The following CCDC74B variants were observed in gnomAD, a reference collection of about 807,000 sequenced individuals.
The protein encoded by CCDC74B is coiled-coil domain containing 74B.
In CCDC74B, 34 loss-of-function variants were observed where a neutral mutation model predicts 38.0. The observed-to-expected ratio is 0.89, with a 90% confidence interval of 0.68 to 1.19. CCDC74B has a LOEUF of 1.19. CCDC74B is among the 50% of genes most tolerant of loss of function. The probability of loss-of-function intolerance (pLI) is 0.00; values close to 1 mark genes in which losing one functional copy is unlikely to be tolerated. For synonymous variants in CCDC74B, 132 were observed against 170.4 expected, an observed-to-expected ratio of 0.77 and a Z score of 1.76; for missense variants, 358 against 406.0, an observed-to-expected ratio of 0.88 and a Z score of 1.02.
chr2:130,142,554 T>C (rs1573637168), intron 2 of CCDC74B: 1 of 1,551,128 alleles, frequency 6.4e-7, no homozygotes, highest in Non-Finnish European at 8.7e-7. Context: ...GGAAGGGCCC[T>C]CCCTCAACCC....
In CCDC74B at chr2:130,143,155, C is replaced by A. The variant is rs182520221; in HGVS notation, c.295+114G>T. On this transcript the variant is annotated intron_variant, in intron 2 of 7. Transcript: ENST00000409943. ...TCTGTCCAGGTCCCCCAGAACCTGTCCCCACTGGGTTGGCATACAGGGGCC... is the reference window on the plus strand; with the variant it reads ...TCTGTCCAGGTCCCCCAGAACCTGTACCCACTGGGTTGGCATACAGGGGCC... 7.6e-5 allele frequency: 118 copies of A among 1,543,088 alleles called. 1 individual carries two copies. Among genetic ancestry groups the A allele is most frequent in the Middle Eastern group, 5.2e-4 (3 of 5,716 alleles).
intron 1 of CCDC74B, chr2:130,144,328 A>G (rs972407905): frequency 1.4e-5 from 9 of 627,066 alleles, no homozygotes; most frequent in Non-Finnish European, 2.5e-5. Flanking sequence ...TTTAGTAGAG[A>G]CGGGGTTTCA....
intron 4 of CCDC74B, 182 bp from the exon 5 acceptor site, chr2:130,140,553 C>G: frequency 1.5e-6 from 1 of 655,866 alleles, no homozygotes; most frequent in Non-Finnish European, 2.5e-6. Context: ...CTGTCCCTTT[C>G]TCCCCTCTGA....
intron 3 of CCDC74B, chr2:130,141,805 G>A (rs1358463759): frequency 1.4e-5 from 7 of 491,878 alleles, no homozygotes; most frequent in East Asian, 3.8e-5. Context: ...GCGGGGACAC[G>A]GCCAAGCAGG....
chr2:130,142,817 C>T, intron 2 of CCDC74B: 1 of 1,549,956 alleles, frequency 6.5e-7, no homozygotes, highest in Non-Finnish European at 8.7e-7. Flanking sequence ...ATGGTTGCTG[C>T]CCAGATGGCA....
Position 130,144,985 on chromosome 2 carries a change from C to T in CCDC74B, c.12G>A (p.Ala4=), listed in dbSNP as rs1433034812. The T allele has an allele frequency of 6.9e-6, 10 of 1,457,366 alleles. No individual in the cohort carries two copies. The highest frequency in any genetic ancestry group is 2.8e-5 in the Admixed American group (1 of 35,440). The allele number at this position is 1,457,366 out of a possible 1,614,324, so 90.3% of individuals were successfully genotyped here. The part of the protein sequence containing the change: MSG[A]GVAAGTRPPS... The stretch of plus-strand genomic sequence containing the variant: ...GGGGCCGCGTCCCAGCCGCCACCCC[C>T]GCACCGCTCATATCGCCATCGCCAG... Residue 4 remains alanine (A), a synonymous_variant, in exon 1 of 8, where the codon GCG becomes GCA. Transcript: ENST00000409943.
chr2:130,139,696 G>A lies in CCDC74B; in HGVS notation c.810-6C>T, dbSNP rs1327204168. On this transcript the variant is annotated splice_polypyrimidine_tract_variant and splice_region_variant and intron_variant, in intron 7 of 7. Transcript: ENST00000409943. ...CAGGTGGGCTCAGAAGCAGGCTGGG[G>A]GCGGGTAGAGGGACTGTCACCGTGA... The A allele has an allele frequency of 1.9e-6, 3 of 1,612,672 alleles. No homozygotes were observed. Among genetic ancestry groups the A allele is most frequent in the Admixed American group, 1.7e-5 (1 of 59,988 alleles).
In CCDC74B at chr2:130,145,106, G is replaced by A; in HGVS notation, c.-110C>T. 2 of 1,395,886 alleles carry A rather than the reference G, an allele frequency of 1.4e-6. No individual in the cohort carries two copies. Among genetic ancestry groups the A allele is most frequent in the Non-Finnish European group, 1.9e-6 (2 of 1,076,182 alleles). 86.5% of individuals were successfully genotyped at this position (1,395,886 alleles called of 1,614,324 possible). A position where few individuals can be genotyped will look rare whatever the true frequency, so the allele number is the denominator to read the frequency against. On this transcript the variant is annotated 5_prime_UTR_variant, in exon 1 of 8. Transcript: ENST00000409943. ...GAAACCGGGCGACGGAGGGCGCCAGGCGTTTGGCGGGGGCGGGGCCTGTCG... is the reference window on the plus strand; with the variant it reads ...GAAACCGGGCGACGGAGGGCGCCAGACGTTTGGCGGGGGCGGGGCCTGTCG...
chr2:130,143,769 C>G (rs1436393811), intron 1 of CCDC74B, among the ~76,000 whole-genome samples: 3 of 152,144 alleles, frequency 2.0e-5, no homozygotes. Context: ...ATGGGATACT[C>G]GGCACTCAGG....
intron 2 of CCDC74B, chr2:130,142,775 G>A: frequency 6.5e-7 from 1 of 1,549,372 alleles, no homozygotes; most frequent in South Asian, 1.2e-5. Context: ...AAGTGGCAAG[G>A]AAACAGGACT....
chr2:130,139,623 T>A lies in CCDC74B; in HGVS notation c.877A>T (p.Asn293Tyr), dbSNP rs1685453708. The change falls in exon 8 of 8, where the codon AAC becomes TAC. Residue 293 changes from asparagine to tyrosine, a missense_variant. This residue lies in a region of CCDC74B where 213 missense variants were observed against 212.3 expected (regional missense o/e 1.00). Transcript: ENST00000409943. ...AGCCTCTTCTGCCTCTCGGCAAAGT[T>A]GTTCTTCGGGGTCTGCTTCAGTGCG... The part of the protein sequence containing the change: ...LPALKQTPKN[N>Y]FAERQKRLQA... 18 of 1,613,332 alleles carry A rather than the reference T, an allele frequency of 1.1e-5. No individual in the cohort carries two copies. The highest frequency in any genetic ancestry group is 1.3e-5 in the African/African-American group (1 of 74,946).
At chr2:130,143,907 G>C (rs1383407715) in intron 1 of CCDC74B, among the ~76,000 whole-genome samples, 1 of 149,978 alleles carries the variant, frequency 6.7e-6, no homozygotes, top group African/African-American at 2.5e-5. Context: ...CCTCCTGCTC[G>C]GGGCAGGAGG....
Position 130,140,296 on chromosome 2 carries a change from C to G in CCDC74B, c.561G>C (p.Gly187=), listed in dbSNP as rs1262371884. ...GNSQHQGRQM[G]AAAHPPMILP... ...GGATCATTGGGGGGTGTGCCGCCGC[C>G]CCCATCTGCCTGCCCTGGTGCTGGC... Residue 187 remains glycine (G), a synonymous_variant, in exon 5 of 8, where the codon GGG becomes GGC. Coordinates refer to ENST00000409943, the MANE Select transcript of CCDC74B (RefSeq NM_001258307.2). The G allele has an allele frequency of 6.2e-7, 1 of 1,613,028 alleles. No homozygotes were observed. Among genetic ancestry groups the G allele is most frequent in the Admixed American group, 1.7e-5 (1 of 59,956 alleles).
Position 130,144,742 on chromosome 2 carries a change from C to T in CCDC74B, c.250+5G>A, listed in dbSNP as rs1478202890. ...GGGCCGGCCTAGGGCCCCGCGCCGG[C>T]TCACCCTTGTTTTCCCGCTTCAGAT... On this transcript the variant is annotated splice_donor_5th_base_variant and intron_variant, in intron 1 of 7. Coordinates refer to ENST00000409943, the MANE Select transcript of CCDC74B (RefSeq NM_001258307.2). 3 of 1,611,580 alleles carry T rather than the reference C, an allele frequency of 1.9e-6. No homozygotes were observed. The highest frequency in any genetic ancestry group is 2.2e-5 in the East Asian group (1 of 44,768).
rs749770499 is a variant in CCDC74B, at chr2:130,139,666, C to T, written c.834G>A (p.Ala278=). Residue 278 remains alanine, a synonymous_variant, in exon 8 of 8, where the codon GCG becomes GCA. Coordinates refer to ENST00000409943, the MANE Select transcript of CCDC74B (RefSeq NM_001258307.2). ...KKCLLLSPPV[A]ERAILPALKQ... Reference sequence around the variant, plus strand: ...TCAGTGCGGGCAGGATGGCACGCTCCGCCACAGGTGGGCTCAGAAGCAGGC... The same window carrying T: ...TCAGTGCGGGCAGGATGGCACGCTCTGCCACAGGTGGGCTCAGAAGCAGGC... 59 of 1,612,984 alleles carry T rather than the reference C, an allele frequency of 3.7e-5. No individual in the cohort carries two copies. Among genetic ancestry groups the T allele is most frequent in the Non-Finnish European group, 4.2e-5 (50 of 1,179,978 alleles).
chr2:130,142,061 C>G, intron 3 of CCDC74B, 72 bp downstream of exon 3: 1 of 1,589,050 alleles, frequency 6.3e-7, no homozygotes, highest in Non-Finnish European at 8.6e-7. Flanking sequence ...GTCAGCACCC[C>G]TAGAGGCCAC....
intron 1 of CCDC74B, chr2:130,144,316 T>A: frequency 1.8e-6 from 1 of 559,822 alleles, no homozygotes; most frequent in Non-Finnish European, 3.2e-6. Context: ...ACTTTTTGTA[T>A]TTTTAGTAGA....
In CCDC74B at chr2:130,145,062, C is replaced by T. The variant is rs1685956412; in HGVS notation, c.-66G>A. 1.4e-6 allele frequency: 2 copies of T among 1,401,542 alleles called. No individual in the cohort carries two copies. The highest frequency in any genetic ancestry group is 9.3e-7 in the Non-Finnish European group (1 of 1,076,638). 86.8% of individuals were successfully genotyped at this position (1,401,542 alleles called of 1,614,324 possible). On this transcript the variant is annotated 5_prime_UTR_variant, in exon 1 of 8. Transcript: ENST00000409943. ...GGCTCAGTGGCCAGGCCGCCCTAGC[C>T]TGGCGCCCCGTCACCATGGAAACCG...
At chr2:130,143,625 C>G (rs1372429023) in intron 1 of CCDC74B, among the ~76,000 whole-genome samples, 1 of 152,206 alleles carries the variant, frequency 6.6e-6, no homozygotes, top group African/African-American at 2.4e-5. Context: ...CTCTGGAATC[C>G]CTGGCTATGG....
Sources: allele counts gnomAD v4.1 joint callset (sites outside exome capture counted in the v4.1 genomes callset), GRCh38; gene constraint gnomAD v4.1.1; regional missense constraint gnomAD v4.1.1; transcripts MANE v1.5; gene names NCBI Gene and HGNC (gene_info 2026-07-23, HGNC 2026-07-21).